The following LRRN1 variants were observed in gnomAD, a reference collection of about 807,000 sequenced individuals.
LRRN1 encodes the protein leucine-rich repeat neuronal protein 1.
A neutral mutation model predicts 45.8 loss-of-function variants in LRRN1; 14 were observed. The observed-to-expected ratio is 0.31, with a 90% CI of 0.20 to 0.48. LRRN1 has a LOEUF of 0.48. LRRN1 is among the 20% of genes least tolerant of loss of function. The pLI is 0.99. For missense variants in LRRN1, 789 were observed against 874.2 expected (o/e 0.90, Z 1.23); for synonymous variants, 359 against 330.1 (o/e 1.09, Z -0.95).
At chr3:3,843,107 C>A (rs989431537) in intron 1 of LRRN1, among the ~76,000 whole-genome samples, 3 of 152,210 alleles carry the variant, frequency 2.0e-5, no homozygotes, top group African/African-American at 7.2e-5. Context: ...TCAGCTACTA[C>A]ACTAAGAACT....
intron 1 of LRRN1, chr3:3,827,573 C>T (rs998395785): frequency 1.1e-5 from 5 of 444,946 alleles, no homozygotes; most frequent in African/African-American, 1.0e-4. Context: ...TCAAGCCATT[C>T]CTAAAAGAAA....
At position 3,816,450 on chromosome 3, in the gene LRRN1, A is replaced by G. The variant is rs181865931; in HGVS notation, c.-279+16531A>G. On this transcript the variant is annotated intron_variant, in intron 1 of 1. Transcript: ENST00000319331. The surrounding 1 kb of genome is among the most constrained non-coding windows in gnomAD (Gnocchi z 4.0). ...AAAAACCTGATTAACAGAAATCCTAATTAACTAGATCCCCTCCACCCTCAG... is the reference window on the plus strand; with the variant it reads ...AAAAACCTGATTAACAGAAATCCTAGTTAACTAGATCCCCTCCACCCTCAG... Among the ~76,000 whole-genome samples the G allele has an allele frequency of 6.6e-4, 100 of 152,302 alleles. No individual in the cohort carries two copies. Among genetic ancestry groups the G allele is most frequent in the Non-Finnish European group, 1.2e-3 (83 of 68,022 alleles).
At chr3:3,832,114 A>G (rs896475064) in intron 1 of LRRN1, among the ~76,000 whole-genome samples, 1 of 152,232 alleles carries the variant, frequency 6.6e-6, no homozygotes, top group African/African-American at 2.4e-5. Context: ...TCCAAGATGC[A>G]TCTGTCTTCT....
intron 1 of LRRN1, among the ~76,000 whole-genome samples, chr3:3,811,350 T>C (rs1692868408): frequency 6.6e-6 from 1 of 152,162 alleles, no homozygotes; most frequent in African/African-American, 2.4e-5. Flanking sequence ...TTACATCCTG[T>C]AGTACCACCA....
At chr3:3,832,145 T>C (rs1045620281) in intron 1 of LRRN1, among the ~76,000 whole-genome samples, 19 of 152,068 alleles carry the variant, frequency 1.2e-4, no homozygotes, top group African/African-American at 3.6e-4. Context: ...AATGGGAGAG[T>C]TGAATGGGGT....
Position 3,799,571 on chromosome 3 carries a change from C to G in LRRN1, c.-627C>G, listed in dbSNP as rs1378685051. 1 of 152,140 alleles carries G rather than the reference C, an allele frequency of 6.6e-6. No homozygotes were observed. The highest frequency in any genetic ancestry group is 2.4e-5 in the African/African-American group (1 of 41,442). The allele number at this position is 152,140 out of a possible 1,614,324, so 9.4% of individuals were successfully genotyped here. On this transcript the variant is annotated 5_prime_UTR_variant, in exon 1 of 2. Transcript: ENST00000319331. ...CCCGGGCGGCGGCATCCCTAGGCGC[C>G]TGGGGCGCCTTCCTCCGGACCTGGC...
In LRRN1 at chr3:3,848,989, G is replaced by C. The variant is rs1693835234; in HGVS notation, c.*2197G>C. ...ATGGGAAACACAGAGAATTGGAGCT[G>C]CGTTGAATGCAAACTTGAGGTGTTT... On this transcript the variant is annotated 3_prime_UTR_variant, in exon 2 of 2. Transcript: ENST00000319331. Among the ~76,000 whole-genome samples the C allele has an allele frequency of 6.6e-6, 1 of 152,212 alleles. No individual in the cohort carries two copies. The highest frequency in any genetic ancestry group is 2.1e-4 in the South Asian group (1 of 4,828).
intron 1 of LRRN1, among the ~76,000 whole-genome samples, chr3:3,838,139 A>C (rs902650186): frequency 2.6e-5 from 4 of 152,200 alleles, no homozygotes; most frequent in African/African-American, 9.7e-5. Context: ...TAACAAAAAC[A>C]AGCAATGGGG....
chr3:3,812,018 C>G (rs144759596), intron 1 of LRRN1, among the ~76,000 whole-genome samples: 1 of 152,280 alleles, frequency 6.6e-6, no homozygotes, highest in East Asian at 1.9e-4. Flanking sequence ...ATAATGTCTA[C>G]CCTTAGGGCT....
chr3:3,820,291 A>G (rs919254122), intron 1 of LRRN1, among the ~76,000 whole-genome samples: 1 of 152,212 alleles, frequency 6.6e-6, no homozygotes, highest in Admixed American at 6.5e-5. Flanking sequence ...TGTGCATTCA[A>G]CAGTCATTTT....
At chr3:3,809,065 T>G (rs912828275) in intron 1 of LRRN1, among the ~76,000 whole-genome samples, 5 of 152,138 alleles carry the variant, frequency 3.3e-5, no homozygotes, top group African/African-American at 9.7e-5. Context: ...AAAAGACAGG[T>G]AAAGTGATTA....
chr3:3,833,834 G>A (rs1187250148), intron 1 of LRRN1, among the ~76,000 whole-genome samples: 1 of 152,168 alleles, frequency 6.6e-6, no homozygotes, highest in Non-Finnish European at 1.5e-5. Context: ...GGCAAAAAAG[G>A]TGCATCAGAG....
intron 1 of LRRN1, among the ~76,000 whole-genome samples, chr3:3,814,633 C>T (rs561531263): frequency 7.7e-4 from 117 of 152,290 alleles, no homozygotes; most frequent in African/African-American, 2.4e-3. Context: ...GCTCTGCCCT[C>T]ATGAATGGAC....
chr3:3,837,419 T>C (rs1457322467), intron 1 of LRRN1, among the ~76,000 whole-genome samples: 1 of 152,098 alleles, frequency 6.6e-6, no homozygotes. Flanking sequence ...CACCATTCCT[T>C]GGGTTCCTCA....
At chr3:3,840,644 A>G (rs1306985296) in intron 1 of LRRN1, among the ~76,000 whole-genome samples, 1 of 152,208 alleles carries the variant, frequency 6.6e-6, no homozygotes, top group Non-Finnish European at 1.5e-5. Flanking sequence ...TGCCAAAGGA[A>G]TGTCTTCTAG....
At chr3:3,810,287 T>C (rs1389896420) in intron 1 of LRRN1, among the ~76,000 whole-genome samples, 1 of 152,182 alleles carries the variant, frequency 6.6e-6, no homozygotes, top group East Asian at 1.9e-4. Context: ...ATTTAAGACA[T>C]TGTAGCAAAC....
chr3:3,833,863 T>C (rs6793918), intron 1 of LRRN1, among the ~76,000 whole-genome samples: 128,417 of 151,892 alleles, frequency 0.85, 54,693 homozygotes, highest in East Asian at 0.95. Flanking sequence ...CGTAGTGTCC[T>C]CAGCTTCATC....
chr3:3,847,013 T>C lies in LRRN1; in HGVS notation c.*221T>C. 1 of 404,356 alleles carries C rather than the reference T, an allele frequency of 2.5e-6. No individual in the cohort carries two copies. Among genetic ancestry groups the C allele is most frequent in the Non-Finnish European group, 4.5e-6 (1 of 220,236 alleles). 25.0% of individuals were successfully genotyped at this position (404,356 alleles called of 1,614,324 possible). A position where few individuals can be genotyped will look rare whatever the true frequency, so the allele number is the denominator to read the frequency against. ...GCTTCCAGTCTGTGTTTGGTTTTTA[T>C]TCTTATCATTATTATGATTGTTATT... On this transcript the variant is annotated 3_prime_UTR_variant, in exon 2 of 2. Coordinates refer to ENST00000319331, the MANE Select transcript of LRRN1 (RefSeq NM_020873.7).
At chr3:3,832,629 G>A (rs191932942) in intron 1 of LRRN1, among the ~76,000 whole-genome samples, 2 of 152,280 alleles carry the variant, frequency 1.3e-5, no homozygotes, top group African/African-American at 4.8e-5. Flanking sequence ...GGGGAAGGAT[G>A]GAAGAAAGAT....
Sources: gnomAD v4.1 joint callset for allele counts (sites outside exome capture counted in the v4.1 genomes callset) on GRCh38, gnomAD v4.1.1 for gene constraint, Gnocchi (gnomAD v3.1) non-coding constraint, MANE v1.5 for transcripts, NCBI Gene and HGNC (gene_info 2026-07-23, HGNC 2026-07-21) for gene names.